Variants in NPSR1 observed in about 807,000 individuals in gnomAD.
NPSR1 encodes the protein neuropeptide S receptor.
Under a neutral mutation model 46.9 loss-of-function variants are expected in NPSR1, and 48 were observed. The ratio of observed to expected loss-of-function variants is 1.02; its 90% CI spans 0.81 to 1.30. NPSR1 has a LOEUF of 1.30. Ranked by LOEUF, NPSR1 falls within the 50% of genes most tolerant of loss-of-function variation. The pLI, the probability that NPSR1 is intolerant of heterozygous loss-of-function variation, is 0.00. For synonymous variants in NPSR1, 176 were observed against 168.1 expected, an observed-to-expected ratio of 1.05 and a Z score of -0.36; for missense variants, 450 against 449.5, an observed-to-expected ratio of 1.00 and a Z score of -0.01.
At chr7:34,673,641 CT>C (rs34548623) in intron 1 of NPSR1, among the ~76,000 whole-genome samples, 2,240 of 152,260 alleles carry the variant, frequency 0.015, 58 homozygotes, top group African/African-American at 0.051. Flanking sequence ...GTCAGCTTGT[CT>C]TGCCAGTCTC....
intron 2 of NPSR1, among the ~76,000 whole-genome samples, chr7:34,702,841 C>CT (rs1226874633): frequency 1.3e-5 from 2 of 152,156 alleles, no homozygotes; most frequent in African/African-American, 2.4e-5. Flanking sequence ...TGGCTAATGT[C>CT]TTTTTTGGTT....
intron 2 of NPSR1, among the ~76,000 whole-genome samples, chr7:34,770,056 T>C (rs886518052): frequency 4.6e-5 from 7 of 152,240 alleles, no homozygotes; most frequent in African/African-American, 1.4e-4. Context: ...ACTGATAGTC[T>C]ACTTTCAGAA....
chr7:34,801,916 C>G (rs1449122409), intron 3 of NPSR1, among the ~76,000 whole-genome samples: 1 of 149,814 alleles, frequency 6.7e-6, no homozygotes, highest in Non-Finnish European at 1.5e-5. Context: ...TCTTATACAC[C>G]AATAACAGAC....
At chr7:34,873,709 C>G (rs566442066) in intron 8 of NPSR1, among the ~76,000 whole-genome samples, 1 of 151,724 alleles carries the variant, frequency 6.6e-6, no homozygotes, top group Non-Finnish European at 1.5e-5. Context: ...CAGGCCACCA[C>G]CTCCAACATT....
intron 2 of NPSR1, among the ~76,000 whole-genome samples, chr7:34,777,644 C>T (rs553904696): frequency 3.7e-4 from 56 of 152,056 alleles, no homozygotes; most frequent in Middle Eastern, 3.2e-3. Flanking sequence ...GAAGAGGGAA[C>T]GATCAGTGGA....
intron 2 of NPSR1, among the ~76,000 whole-genome samples, chr7:34,764,724 G>A (rs1401156463): frequency 1.3e-5 from 2 of 152,144 alleles, no homozygotes; most frequent in African/African-American, 4.8e-5. Context: ...GCCAGAAATG[G>A]CAACACCAAT....
chr7:34,866,564 T>C (rs10264671), intron 8 of NPSR1, among the ~76,000 whole-genome samples: 28,225 of 151,168 alleles, frequency 0.19, 2,913 homozygotes, highest in Non-Finnish European at 0.23. Flanking sequence ...GGTCACTATG[T>C]CTTGCCTGAT....
chr7:34,837,198 A>G (rs1420449509), intron 6 of NPSR1, among the ~76,000 whole-genome samples: 1 of 152,252 alleles, frequency 6.6e-6, no homozygotes, highest in Non-Finnish European at 1.5e-5. Flanking sequence ...CCTAAATCAT[A>G]CAATTGAAAC....
chr7:34,849,297 C>T (rs777788339), intron 8 of NPSR1: 1 of 1,467,574 alleles, frequency 6.8e-7, no homozygotes, highest in South Asian at 1.2e-5. Context: ...CATCTGTAAA[C>T]CTCAGCTTCT....
At position 34,811,816 on chromosome 7, in the gene NPSR1, TAGAC is replaced by T. The variant is rs1353961549; in HGVS notation, c.435_438del (p.Arg146ThrfsTer8). ...ACCTACGTCCTGGTGTCCCTCAGCA[TAGAC>T]AGATACCATGCCATCGTCTACCCCA... On this transcript the variant is annotated frameshift_variant, in exon 4 of 9. Coordinates refer to ENST00000360581, the MANE Select transcript of NPSR1 (RefSeq NM_207172.2). LOFTEE classifies it high-confidence loss of function. The T allele has an allele frequency of 2.5e-6, 4 of 1,613,730 alleles. No individual in the cohort carries two copies. Among genetic ancestry groups the T allele is most frequent in the Non-Finnish European group, 3.4e-6 (4 of 1,179,890 alleles).
At chr7:34,861,559 T>C (rs1372492765) in intron 8 of NPSR1, among the ~76,000 whole-genome samples, 1 of 151,832 alleles carries the variant, frequency 6.6e-6, no homozygotes, top group Non-Finnish European at 1.5e-5. Flanking sequence ...ATATCTCCCA[T>C]GAGACAAAGA....
At chr7:34,738,662 T>C (rs1412562201) in intron 2 of NPSR1, among the ~76,000 whole-genome samples, 2 of 152,228 alleles carry the variant, frequency 1.3e-5, no homozygotes, top group Non-Finnish European at 2.9e-5. Context: ...TCCCTGCTTT[T>C]GTCTTCTTCA....
downstream of NPSR1, among the ~76,000 whole-genome samples, chr7:34,853,376 G>GGT (rs1397179549): frequency 3.1e-4 from 47 of 152,264 alleles, no homozygotes; most frequent in East Asian, 8.9e-3. Flanking sequence ...TATGCAGATC[G>GGT]ACTAGTGTCC....
chr7:34,871,728 A>T (rs1272148855), intron 8 of NPSR1: 3 of 151,996 alleles, frequency 2.0e-5, no homozygotes, highest in Non-Finnish European at 1.5e-5. Context: ...AAGGACAGTC[A>T]TCACGTTTTA....
At chr7:34,707,604 C>G (rs1197442738) in intron 2 of NPSR1, among the ~76,000 whole-genome samples, 3 of 152,198 alleles carry the variant, frequency 2.0e-5, no homozygotes, top group Admixed American at 6.5e-5. Context: ...TAAGGACCCA[C>G]AGTGGATTTG....
At chr7:34,818,575 G>C (rs1429506380) in intron 4 of NPSR1, among the ~76,000 whole-genome samples, 1 of 152,072 alleles carries the variant, frequency 6.6e-6, no homozygotes, top group East Asian at 1.9e-4. Flanking sequence ...CTACTTTAAA[G>C]TTCATATGGA....
intron 2 of NPSR1, among the ~76,000 whole-genome samples, chr7:34,735,623 T>C (rs1784632639): frequency 6.6e-6 from 1 of 152,232 alleles, no homozygotes; most frequent in South Asian, 2.1e-4. Flanking sequence ...TGAAAAGTAG[T>C]GCTTGATTAG....
intron 2 of NPSR1, among the ~76,000 whole-genome samples, chr7:34,745,796 G>T (rs935560668): frequency 2.0e-5 from 3 of 152,200 alleles, no homozygotes; most frequent in African/African-American, 4.8e-5. Flanking sequence ...TTACAGGTGT[G>T]AGCCACCATC....
intron 8 of NPSR1, among the ~76,000 whole-genome samples, chr7:34,874,702 A>C (rs1253814013): frequency 6.6e-6 from 1 of 152,150 alleles, no homozygotes; most frequent in Non-Finnish European, 1.5e-5. Context: ...TGAGGGAGGA[A>C]GGGAGTAGGG....
Sources: allele counts gnomAD v4.1 joint callset (sites outside exome capture counted in the v4.1 genomes callset), GRCh38; gene constraint gnomAD v4.1.1; transcripts MANE v1.5; gene names NCBI Gene and HGNC (gene_info 2026-07-23, HGNC 2026-07-21).